Variants in ZC3HAV1L observed in about 807,000 individuals in gnomAD.
ZC3HAV1L encodes zinc finger CCCH-type antiviral protein 1-like.
A neutral mutation model predicts 28.2 loss-of-function variants in ZC3HAV1L; 23 were observed. The observed-to-expected ratio is 0.82, with a 90% confidence interval of 0.59 to 1.16. The LOEUF (loss-of-function observed/expected upper bound fraction) is 1.16, where lower values mean the gene tolerates loss of function less well. Among genes scored for constraint, ZC3HAV1L ranks in the 50% most tolerant of loss-of-function variants. ZC3HAV1L has a pLI of 0.00. For missense variants in ZC3HAV1L, 376 were observed against 387.7 expected, an observed-to-expected ratio of 0.97 and a Z score of 0.25; for synonymous variants, 180 against 163.4, an observed-to-expected ratio of 1.10 and a Z score of -0.78.
At position 139,035,998 on chromosome 7, in the gene ZC3HAV1L, C is replaced by A; in HGVS notation, c.20G>T (p.Cys7Phe). Residue 7 changes from cysteine to phenylalanine, a missense_variant, in exon 1 of 5, where the codon TGC becomes TTC. Transcript: ENST00000275766. Reference protein sequence around the residue: MAEPTVCSFLTKVLCAH... With the variant: MAEPTVFSFLTKVLCAH... ...GCACAGCACCTTGGTGAGGAAGGAG[C>A]ACACTGTGGGCTCCGCCATGGTCGC... 1 of 1,519,168 alleles carries A rather than the reference C, an allele frequency of 6.6e-7. No individual in the cohort carries two copies. The highest frequency in any genetic ancestry group is 2.0e-5 in the Admixed American group (1 of 50,082). 94.1% of individuals were successfully genotyped at this position (1,519,168 alleles called of 1,614,324 possible).
chr7:139,026,680 T>C, intron 4 of ZC3HAV1L, 28 bp downstream of exon 4: 1 of 1,613,098 alleles, frequency 6.2e-7, no homozygotes, highest in Non-Finnish European at 8.5e-7. Context: ...AGCTTCTTCT[T>C]AGTTCACTGA....
In ZC3HAV1L at chr7:139,035,887, G is replaced by C. The variant is rs1815699193; in HGVS notation, c.131C>G (p.Ala44Gly). Residue 44 changes from alanine (A) to glycine (G), a missense_variant, in exon 1 of 5, where the codon GCC becomes GGC. Transcript: ENST00000275766. ...CTGCAGCAGGAAACGCTCGGGCCCGGCGCGCTGCAGCACGTCCCGGAGCCT... is the reference window on the plus strand; with the variant it reads ...CTGCAGCAGGAAACGCTCGGGCCCGCCGCGCTGCAGCACGTCCCGGAGCCT... ...EARLRDVLQR[A>G]GPERFLLQEV... The C allele has an allele frequency of 6.6e-7, 1 of 1,513,846 alleles. No homozygotes were observed. Among genetic ancestry groups the C allele is most frequent in the South Asian group, 1.2e-5 (1 of 81,656 alleles). 93.8% of individuals were successfully genotyped at this position (1,513,846 alleles called of 1,614,324 possible).
chr7:139,034,211 C>T, intron 2 of ZC3HAV1L: 2 of 980,376 alleles, frequency 2.0e-6, no homozygotes, highest in Non-Finnish European at 2.4e-6. Context: ...CCCCTTCTTC[C>T]CATCCCTCTT....
At position 139,029,017 on chromosome 7, in the gene ZC3HAV1L, C is replaced by T. The variant is rs561463826; in HGVS notation, c.502-57G>A. ...TTAGTTTTTCTTTTTTTTTTGGCAG[C>T]GGGGAGATGGAGTCTCGCTCTGTCA... is the stretch of plus-strand genomic sequence containing the variant. On this transcript the variant is annotated intron_variant, in intron 2 of 4. Transcript: ENST00000275766. 6.9e-5 allele frequency: 107 copies of T among 1,542,688 alleles called. No homozygotes were observed. In the South Asian group the frequency reaches 1.1e-3, roughly 16 times the overall value.
chr7:139,032,909 T>C (rs1815576813), intron 2 of ZC3HAV1L, among the ~76,000 whole-genome samples: 1 of 151,982 alleles, frequency 6.6e-6, no homozygotes, highest in African/African-American at 2.4e-5. Context: ...AATTCAACTA[T>C]GAAACTATAT....
chr7:139,021,946 TAA>T (rs1815255470), downstream of ZC3HAV1L, among the ~76,000 whole-genome samples: 1 of 152,122 alleles, frequency 6.6e-6, no homozygotes, highest in Non-Finnish European at 1.5e-5. Context: ...ATACATATTT[TAA>T]AAGTTAATAG....
At position 139,028,384 on chromosome 7, in the gene ZC3HAV1L, C is replaced by CAAAA. The variant is rs1481936943; in HGVS notation, c.760+314_760+317dup. ...TGAGACTCTGTCTCAAAAAAAAAAA[C>CAAAA]AAAAACAAAACCTGTTCTACCTACT... On this transcript the variant is annotated intron_variant, in intron 3 of 4. Coordinates refer to ENST00000275766, the MANE Select transcript of ZC3HAV1L (RefSeq NM_080660.4). Among the ~76,000 whole-genome samples the CAAAA allele has an allele frequency of 8.7e-4, 121 of 138,546 alleles. 4 individuals are homozygous for CAAAA. Among genetic ancestry groups the CAAAA allele is most frequent in the African/African-American group, 3.1e-3 (116 of 37,096 alleles). 90.9% of individuals were successfully genotyped at this position (138,546 alleles called of 152,430 possible).
chr7:139,030,183 C>T lies in ZC3HAV1L; in HGVS notation c.502-1223G>A, dbSNP rs553054068. On this transcript the variant is annotated intron_variant, in intron 2 of 4. Coordinates refer to ENST00000275766, the MANE Select transcript of ZC3HAV1L (RefSeq NM_080660.4). ...AATCCTGGCTGGGCGCGGTGCCTCA[C>T]ACCTGTAATCCCAGCACTTTGGGAG... is the stretch of plus-strand genomic sequence containing the variant. Among the ~76,000 whole-genome samples, 25 of 152,304 alleles carry T rather than the reference C, an allele frequency of 1.6e-4. 1 individual carries two copies. Among genetic ancestry groups the T allele is most frequent in the African/African-American group, 4.6e-4 (19 of 41,576 alleles).
intron 1 of ZC3HAV1L, chr7:139,035,203 C>A (rs1815665096): frequency 6.1e-6 from 6 of 985,230 alleles, no homozygotes; most frequent in Non-Finnish European, 7.2e-6. Context: ...CGCTGTTAAA[C>A]CTAGAGGGCG....
intron 1 of ZC3HAV1L, chr7:139,035,127 C>A (rs1815662514): frequency 1.0e-6 from 1 of 985,442 alleles, no homozygotes. Flanking sequence ...CCAGCTCTGG[C>A]AGTCAGGAAC....
In ZC3HAV1L at chr7:139,028,980, A is replaced by C. The variant is rs1815443152; in HGVS notation, c.502-20T>G. 6.3e-7 allele frequency: 1 copy of C among 1,595,428 alleles called. No homozygotes were observed. Among genetic ancestry groups the C allele is most frequent in the Non-Finnish European group, 8.5e-7 (1 of 1,170,516 alleles). ...ACAGACCTGGTACAGAAATGAGGGAACACCTGAAATATTAGTTTTTCTTTT... is the reference window on the plus strand; with the variant it reads ...ACAGACCTGGTACAGAAATGAGGGACCACCTGAAATATTAGTTTTTCTTTT... On this transcript the variant is annotated intron_variant, in intron 2 of 4. Coordinates refer to ENST00000275766, the MANE Select transcript of ZC3HAV1L (RefSeq NM_080660.4).
At chr7:139,030,052 T>C (rs1815477847) in intron 2 of ZC3HAV1L, among the ~76,000 whole-genome samples, 1 of 152,206 alleles carries the variant, frequency 6.6e-6, no homozygotes, top group Non-Finnish European at 1.5e-5. Context: ...GTCCAGGTTT[T>C]ACTATGAAAG....
rs150817349 is a variant in ZC3HAV1L at position 139,033,975 on chromosome 7, A to C, written c.501+568T>G. ...CTTGGCTTCAGTGCTCGAAGAAATG[A>C]AACAGGTTATGCATGTCAGGAAGAA... On this transcript the variant is annotated intron_variant, in intron 2 of 4. Coordinates refer to ENST00000275766, the MANE Select transcript of ZC3HAV1L (RefSeq NM_080660.4). 653 of 985,386 alleles carry C rather than the reference A, an allele frequency of 6.6e-4. 3 individuals carry two copies. In the African/African-American group the frequency reaches 0.01, roughly 16 times the overall value. 61.0% of individuals were successfully genotyped at this position (985,386 alleles called of 1,614,324 possible). A position where few individuals can be genotyped will look rare whatever the true frequency, so the allele number is the denominator to read the frequency against.
In ZC3HAV1L at chr7:139,035,663, G is replaced by C; in HGVS notation, c.355C>G (p.Arg119Gly). The change falls in exon 1 of 5, where the codon CGG (arginine) becomes GGG (glycine). Residue 119 changes from arginine to glycine, a missense_variant. Arg to Gly is a moderately radical substitution (Grantham distance 125). Coordinates refer to ENST00000275766, the MANE Select transcript of ZC3HAV1L (RefSeq NM_080660.4). ...CCGCCGCCTTCTCACCAGCAGTCCC[G>C]GTTGGGGCACTTGCCCAGCATGTGC... Reference protein sequence around the residue: ...RRHMLGKCPNRDCWSTCTLSH... With the variant: ...RRHMLGKCPNGDCWSTCTLSH... 1 of 1,456,670 alleles carries C rather than the reference G, an allele frequency of 6.9e-7. No individual in the cohort carries two copies. The highest frequency in any genetic ancestry group is 9.0e-7 in the Non-Finnish European group (1 of 1,113,456). The allele number at this position is 1,456,670 out of a possible 1,614,324, so 90.2% of individuals were successfully genotyped here.
At chr7:139,023,428 C>T (rs1815288330), downstream of ZC3HAV1L, among the ~76,000 whole-genome samples, 1 of 152,160 alleles carries the variant, frequency 6.6e-6, no homozygotes, top group Non-Finnish European at 1.5e-5. Flanking sequence ...AGGCAGGCGT[C>T]CCTTTTAGAT....
Position 139,028,768 on chromosome 7 carries a change from C to T in ZC3HAV1L, c.694G>A (p.Val232Ile), listed in dbSNP as rs775564261. 26 of 1,614,078 alleles carry T rather than the reference C, an allele frequency of 1.6e-5. No homozygotes were observed. The East Asian group carries it at 3.3e-4, about 21-fold the overall frequency. Residue 232 changes from valine to isoleucine, a missense_variant, in exon 3 of 5, where the codon GTT (valine) becomes ATT (isoleucine). Transcript: ENST00000275766. ...GTGGAGATTATCTGAAAATTAACAA[C>T]ACTTGGAATATTCAGTCCTTGGTCC... is the stretch of plus-strand genomic sequence containing the variant. ...LQDQGLNIPS[V>I]VNFQIISTYK...
downstream of ZC3HAV1L, among the ~76,000 whole-genome samples, chr7:139,023,122 C>T (rs1333772443): frequency 7.3e-6 from 1 of 137,344 alleles, no homozygotes; most frequent in East Asian, 2.2e-4. Context: ...TTGCAGTGAG[C>T]TGAGATCATG....
At chr7:139,031,884 G>A (rs1182197482) in intron 2 of ZC3HAV1L, among the ~76,000 whole-genome samples, 1 of 152,158 alleles carries the variant, frequency 6.6e-6, no homozygotes, top group Non-Finnish European at 1.5e-5. Context: ...CAGCCTGGGC[G>A]ATAGAGCAAG....
chr7:139,034,946 T>C (rs1460445867), intron 1 of ZC3HAV1L: 12 of 985,324 alleles, frequency 1.2e-5, no homozygotes, highest in African/African-American at 1.7e-5. Context: ...ATCTGTTCCG[T>C]AGGCGACTGC....
Sources: allele counts gnomAD v4.1 joint callset (sites outside exome capture counted in the v4.1 genomes callset), GRCh38; gene constraint gnomAD v4.1.1; transcripts MANE v1.5; gene names NCBI Gene and HGNC (gene_info 2026-07-23, HGNC 2026-07-21).